Variants in STXBP4 observed in about 807,000 individuals in gnomAD.
STXBP4 encodes the protein syntaxin-binding protein 4.
A neutral mutation model predicts 76.1 loss-of-function variants in STXBP4; 55 were observed. The ratio of observed to expected loss-of-function variants is 0.72; its 90% CI spans 0.58 to 0.91. The LOEUF (loss-of-function observed/expected upper bound fraction) is 0.91. STXBP4 is among the 40% of genes least tolerant of loss of function. The probability of loss-of-function intolerance (pLI) is 0.00; values close to 1 mark genes in which losing one functional copy is unlikely to be tolerated. For synonymous variants in STXBP4, 201 were observed against 220.2 expected, an observed-to-expected ratio of 0.91 and a Z score of 0.77; for missense variants, 618 against 636.9, an observed-to-expected ratio of 0.97 and a Z score of 0.32.
the STXBP4 span, among the ~76,000 whole-genome samples, chr17:55,195,150 C>T: frequency 2.6e-5 from 4 of 152,104 alleles, no homozygotes; most frequent in African/African-American, 7.2e-5. Flanking sequence ...GGTGAGCACC[C>T]CTGGGCCAAT....
At chr17:55,180,710 CA>C in the STXBP4 span, among the ~76,000 whole-genome samples, 1 of 152,194 alleles carries the variant, frequency 6.6e-6, no homozygotes, top group Non-Finnish European at 1.5e-5. Context: ...TGTAACACCT[CA>C]CTATTACCAG....
intron 8 of STXBP4, among the ~76,000 whole-genome samples, chr17:55,021,493 C>T (rs1475765474): frequency 1.3e-5 from 2 of 152,100 alleles, no homozygotes; most frequent in Non-Finnish European, 2.9e-5. Flanking sequence ...CACTGTACTC[C>T]AGCAAGAGTG....
chr17:55,172,569 A>G lies in STXBP4; in HGVS notation c.*12658A>G, dbSNP rs375996489. On this transcript the variant is annotated 3_prime_UTR_variant, in exon 18 of 18. Transcript: ENST00000376352. ...CTTTAATAATACTTTTATTTTTCCAAATTTGAAGACTGTCCCTAAGTCATT... is the reference window on the plus strand; with the variant it reads ...CTTTAATAATACTTTTATTTTTCCAGATTTGAAGACTGTCCCTAAGTCATT... 2 of 152,202 alleles carry G rather than the reference A, an allele frequency of 1.3e-5. No individual in the cohort carries two copies. The highest frequency in any genetic ancestry group is 2.4e-5 in the African/African-American group (1 of 41,448). 9.4% of individuals were successfully genotyped at this position (152,202 alleles called of 1,614,324 possible). A position where few individuals can be genotyped will look rare whatever the true frequency, so the allele number is the denominator to read the frequency against.
At chr17:55,134,723 T>G (rs2080009613) in intron 16 of STXBP4, among the ~76,000 whole-genome samples, 1 of 152,146 alleles carries the variant, frequency 6.6e-6, no homozygotes, top group African/African-American at 2.4e-5. Flanking sequence ...TTTAGGCTGA[T>G]CTCACACTCT....
At chr17:55,181,945 G>A in the STXBP4 span, among the ~76,000 whole-genome samples, 1 of 152,150 alleles carries the variant, frequency 6.6e-6, no homozygotes, top group African/African-American at 2.4e-5. Context: ...CTATGAGTAA[G>A]GGTAAAGTGG....
At chr17:55,035,492 A>T (rs891458676) in intron 10 of STXBP4, among the ~76,000 whole-genome samples, 7 of 151,904 alleles carry the variant, frequency 4.6e-5, no homozygotes, top group African/African-American at 7.2e-5. Flanking sequence ...ACATAATTGT[A>T]TGCTTGCGAA....
chr17:55,197,052 C>T, the STXBP4 span, among the ~76,000 whole-genome samples: 2 of 152,212 alleles, frequency 1.3e-5, no homozygotes, highest in East Asian at 1.9e-4. Flanking sequence ...GCCACTCAGT[C>T]GTTCTTACAT....
rs766615432 is a variant in STXBP4, at chr17:55,081,109, G to T, written c.1415G>T (p.Arg472Leu). The T allele has an allele frequency of 6.4e-7, 1 of 1,557,886 alleles. No homozygotes were observed. The highest frequency in any genetic ancestry group is 2.5e-5 in the East Asian group (1 of 39,674). The change falls in exon 16 of 18, where the codon CGT (arginine) becomes CTT (leucine). Residue 472 changes from arginine (R) to leucine (L), a missense_variant. Coordinates refer to ENST00000376352, the MANE Select transcript of STXBP4 (RefSeq NM_178509.6). ...CTCACACCACTGGGAAGGAATGGAC[G>T]TAGCATCCCAGCAACGCTGGCGCTT... ...TSLTPLGRNG[R>L]SIPATLALES...
rs577434367 is a variant in STXBP4, at chr17:55,008,010, A to T, written c.666+413A>T. ...GTAAAGGGAAACAAAATTTTAAAGA[A>T]CAAAATAGTCAGATGTCCACTAAAT... On this transcript the variant is annotated intron_variant, in intron 8 of 17. Transcript: ENST00000376352. Among the ~76,000 whole-genome samples, 5 of 152,310 alleles carry T rather than the reference A, an allele frequency of 3.3e-5. No homozygotes were observed. In the South Asian group the frequency reaches 1.0e-3, roughly 32 times the overall value.
chr17:54,996,616 T>C (rs553294451), intron 4 of STXBP4, among the ~76,000 whole-genome samples: 2 of 152,320 alleles, frequency 1.3e-5, no homozygotes, highest in East Asian at 3.9e-4. Context: ...GTGTTACATA[T>C]ATTTATCCCC....
At chr17:55,063,044 C>CT (rs2079012688) in intron 12 of STXBP4, among the ~76,000 whole-genome samples, 1 of 152,084 alleles carries the variant, frequency 6.6e-6, no homozygotes, top group Admixed American at 6.5e-5. Context: ...AAAGTGACTC[C>CT]TGTATTCTCC....
chr17:54,986,374 G>C, intron 3 of STXBP4, 108 bp downstream of exon 3: 1 of 767,346 alleles, frequency 1.3e-6, no homozygotes, highest in Non-Finnish European at 2.2e-6. Context: ...TGTGGTCTAG[G>C]ATAGCAGCAA....
chr17:55,022,725 A>G (rs1239472510), intron 8 of STXBP4, among the ~76,000 whole-genome samples: 1 of 152,102 alleles, frequency 6.6e-6, no homozygotes, highest in Non-Finnish European at 1.5e-5. Flanking sequence ...TCTGAGATAT[A>G]AGGGAACAAT....
Position 55,169,523 on chromosome 17 carries a change from G to C in STXBP4, c.*9612G>C, listed in dbSNP as rs1381698562. On this transcript the variant is annotated 3_prime_UTR_variant, in exon 18 of 18. Transcript: ENST00000376352. ...GGAGCTGTCATGCATGAGAGTGGTA[G>C]AGGGATCTGAAAGTGCTAGCAGTGC... is the stretch of plus-strand genomic sequence containing the variant. The C allele has an allele frequency of 6.6e-6, 1 of 152,234 alleles. No homozygotes were observed. Among genetic ancestry groups the C allele is most frequent in the Non-Finnish European group, 1.5e-5 (1 of 68,060 alleles). The allele number at this position is 152,234 out of a possible 1,614,324, so 9.4% of individuals were successfully genotyped here.
rs183851057 is a variant in STXBP4, at chr17:55,000,364, T to C, written c.499-444T>C. On this transcript the variant is annotated intron_variant, in intron 6 of 17. Transcript: ENST00000376352. ...ATTAACATACTCAATTACTAACTGCTATATTATCTGAACAAATTACAGTTA... is the reference window on the plus strand; with the variant it reads ...ATTAACATACTCAATTACTAACTGCCATATTATCTGAACAAATTACAGTTA... 2,961 of 590,760 alleles carry C rather than the reference T, an allele frequency of 5.0e-3. 11 individuals carry two copies. The highest frequency in any genetic ancestry group is 0.033 in the Middle Eastern group (38 of 1,148). The allele number at this position is 590,760 out of a possible 1,614,324, so 36.6% of individuals were successfully genotyped here.
chr17:55,020,603 A>C (rs1428916329), intron 8 of STXBP4, among the ~76,000 whole-genome samples: 1 of 152,088 alleles, frequency 6.6e-6, no homozygotes. Context: ...GGATCACTTG[A>C]GGAAAGGAGT....
At chr17:55,048,702 A>G (rs868433304) in intron 12 of STXBP4, among the ~76,000 whole-genome samples, 1 of 151,912 alleles carries the variant, frequency 6.6e-6, no homozygotes, top group African/African-American at 2.4e-5. Flanking sequence ...ATCAGAAATG[A>G]AAACTAAATT....
At chr17:55,062,215 T>G (rs537353188) in intron 12 of STXBP4, among the ~76,000 whole-genome samples, 25 of 152,230 alleles carry the variant, frequency 1.6e-4, no homozygotes, top group Middle Eastern at 3.4e-3. Flanking sequence ...CATTAGGTAT[T>G]TCTCCTAATG....
At chr17:55,177,661 T>A (rs1185431253), downstream of STXBP4, among the ~76,000 whole-genome samples, 2 of 152,214 alleles carry the variant, frequency 1.3e-5, no homozygotes, top group African/African-American at 2.4e-5. Flanking sequence ...TGGCACATGA[T>A]TGCTGTCCAA....
Sources: gnomAD v4.1 joint callset for allele counts (sites outside exome capture counted in the v4.1 genomes callset) on GRCh38, gnomAD v4.1.1 for gene constraint, MANE v1.5 for transcripts, NCBI Gene and HGNC (gene_info 2026-07-23, HGNC 2026-07-21) for gene names.